Variants in CAMTA1 observed in about 807,000 individuals in gnomAD.
CAMTA1 encodes calmodulin-binding transcription activator 1.
A neutral mutation model predicts 170.9 loss-of-function variants in CAMTA1; 27 were observed. That is an observed-to-expected ratio of 0.16 (90% CI 0.12 to 0.22). The LOEUF (loss-of-function observed/expected upper bound fraction) is 0.22, where lower values mean the gene tolerates loss of function less well. Among genes scored for constraint, CAMTA1 ranks in the 10% least tolerant of loss-of-function variants. CAMTA1 has a pLI of 1.00. For synonymous variants in CAMTA1, 833 were observed against 891.5 expected, an observed-to-expected ratio of 0.93 and a Z score of 1.17; for missense variants, 1,619 against 2,217.2, an observed-to-expected ratio of 0.73 and a Z score of 5.42.
chr1:7,066,450 A>G (rs1285061479), intron 3 of CAMTA1, among the ~76,000 whole-genome samples: 1 of 152,268 alleles, frequency 6.6e-6, no homozygotes, highest in Non-Finnish European at 1.5e-5. Flanking sequence ...ACTGACTTAG[A>G]AAGATCTAAG....
chr1:7,399,302 T>C (rs1212526641), intron 5 of CAMTA1, among the ~76,000 whole-genome samples: 1 of 152,238 alleles, frequency 6.6e-6, no homozygotes, highest in African/African-American at 2.4e-5. Flanking sequence ...TCTTTGCACA[T>C]TCCTGCTTCC....
chr1:7,600,602 T>C (rs1217607337), intron 6 of CAMTA1, among the ~76,000 whole-genome samples: 1 of 151,890 alleles, frequency 6.6e-6, no homozygotes, highest in Non-Finnish European at 1.5e-5. Context: ...CAAAGGTCTC[T>C]GGTTTTCCTA....
chr1:7,506,157 G>T (rs944226853), intron 6 of CAMTA1, among the ~76,000 whole-genome samples: 4 of 152,180 alleles, frequency 2.6e-5, no homozygotes, highest in African/African-American at 9.7e-5. Flanking sequence ...GTGGCACTGG[G>T]CTTCAGCATG....
chr1:7,253,808 T>A (rs529316777), intron 5 of CAMTA1, among the ~76,000 whole-genome samples: 112 of 152,208 alleles, frequency 7.4e-4, no homozygotes, highest in African/African-American at 2.5e-3. Flanking sequence ...CCTGTAGACT[T>A]TTCAGATGAA....
intron 5 of CAMTA1, among the ~76,000 whole-genome samples, chr1:7,295,277 G>A (rs1034254030): frequency 6.6e-6 from 1 of 152,132 alleles, no homozygotes; most frequent in African/African-American, 2.4e-5. Context: ...GCTGTCATGG[G>A]ACCCATTCCG....
chr1:7,690,564 G>T (rs1390882213), intron 11 of CAMTA1, among the ~76,000 whole-genome samples: 1 of 152,232 alleles, frequency 6.6e-6, no homozygotes, highest in Non-Finnish European at 1.5e-5. Context: ...GAGACACATG[G>T]CAGACTTCTG....
rs369189872 is a variant in CAMTA1 at position 7,146,756 on chromosome 1, G to GCA, written c.302+55397_302+55398dup. 4.0e-5 allele frequency among the ~76,000 whole-genome samples: 6 copies of GCA among 151,018 alleles called. No homozygotes were observed. Among genetic ancestry groups the GCA allele is most frequent in the Non-Finnish European group, 8.9e-5 (6 of 67,728 alleles). ...AAACACACACTCAAACATAAACCAT[G>GCA]CACACACACACACTTGAGCATCATG... On this transcript the variant is annotated intron_variant, in intron 4 of 22. Transcript: ENST00000303635. The surrounding 1 kb of genome is among the most constrained non-coding windows in gnomAD (Gnocchi z 4.3).
chr1:6,928,676 C>T (rs911566133), intron 3 of CAMTA1, among the ~76,000 whole-genome samples: 1 of 152,182 alleles, frequency 6.6e-6, no homozygotes, highest in Non-Finnish European at 1.5e-5. Context: ...ATTCTCACCC[C>T]AGGACCTTTG....
intron 3 of CAMTA1, among the ~76,000 whole-genome samples, chr1:6,914,613 T>A (rs1680405644): frequency 6.6e-6 from 1 of 152,198 alleles, no homozygotes; most frequent in Admixed American, 6.5e-5. Flanking sequence ...TGGGGTGCTG[T>A]TTACCCACTG....
At chr1:7,709,313 C>T (rs1440162573) in intron 11 of CAMTA1, among the ~76,000 whole-genome samples, 2 of 152,190 alleles carry the variant, frequency 1.3e-5, no homozygotes, top group Admixed American at 6.5e-5. Context: ...AGAAGTTATC[C>T]AGCGTGATGC....
At chr1:6,982,432 G>A (rs1232357409) in intron 3 of CAMTA1, among the ~76,000 whole-genome samples, 1 of 152,222 alleles carries the variant, frequency 6.6e-6, no homozygotes, top group Admixed American at 6.5e-5. Context: ...GCAGATCCTG[G>A]AGAGGCACCT....
chr1:7,688,224 C>T (rs1230577950), intron 11 of CAMTA1, among the ~76,000 whole-genome samples: 4 of 151,904 alleles, frequency 2.6e-5, no homozygotes, highest in South Asian at 2.1e-4. Flanking sequence ...AGGCTGGTCT[C>T]GAACTCCTGA....
chr1:7,549,265 G>T (rs1010114921), intron 6 of CAMTA1, among the ~76,000 whole-genome samples: 4 of 150,888 alleles, frequency 2.7e-5, no homozygotes, highest in Non-Finnish European at 1.5e-5. Context: ...GGTGCCCATG[G>T]AGGGTCCCTC....
intron 7 of CAMTA1, among the ~76,000 whole-genome samples, chr1:7,650,678 C>T (rs563776837): frequency 1.2e-4 from 18 of 150,116 alleles, no homozygotes; most frequent in Admixed American, 6.6e-4. Context: ...ACACGGTGGG[C>T]GCACACTCCA....
At chr1:6,819,283 C>T (rs562907904) in intron 1 of CAMTA1, among the ~76,000 whole-genome samples, 3 of 150,104 alleles carry the variant, frequency 2.0e-5, no homozygotes, top group South Asian at 4.2e-4. Context: ...AATAATTGGC[C>T]GTCAATATTC....
chr1:7,647,439 G>A (rs1242529219), intron 7 of CAMTA1, among the ~76,000 whole-genome samples: 1 of 152,120 alleles, frequency 6.6e-6, no homozygotes, highest in South Asian at 2.1e-4. Context: ...CAGCGGCCCC[G>A]CTCGGAGATG....
intron 3 of CAMTA1, among the ~76,000 whole-genome samples, chr1:6,900,555 TA>T (rs548455007): frequency 3.3e-5 from 5 of 150,808 alleles, no homozygotes; most frequent in African/African-American, 7.3e-5. Context: ...GGAATCTATA[TA>T]AAAAAAAACC....
intron 5 of CAMTA1, among the ~76,000 whole-genome samples, chr1:7,284,126 GTTCTTCTTCTTCTTCTTCTTCTTCTTC>G (rs202166286): frequency 3.7e-5 from 4 of 107,000 alleles, no homozygotes; most frequent in African/African-American, 1.4e-4. Context: ...ATTTGCTGCT[GTTCTTCTTCTTCTTCTTCTTCTTCTTC>G]TTCTTCTTCT....
At chr1:7,611,759 T>C (rs57184145) in intron 6 of CAMTA1, among the ~76,000 whole-genome samples, 32,819 of 152,254 alleles carry the variant, frequency 0.22, 4,994 homozygotes, top group African/African-American at 0.43. Context: ...CAGCTGCTGC[T>C]TCAGGCTGCC....
Sources: allele counts gnomAD v4.1 joint callset (sites outside exome capture counted in the v4.1 genomes callset), GRCh38; gene constraint gnomAD v4.1.1; non-coding constraint Gnocchi (gnomAD v3.1); transcripts MANE v1.5; gene names NCBI Gene and HGNC (gene_info 2026-07-23, HGNC 2026-07-21).